PRKAR1B: variants seen among roughly 807,000 people sequenced by gnomAD.
PRKAR1B encodes cAMP-dependent protein kinase type I-beta regulatory subunit.
Under a neutral mutation model 46.5 loss-of-function variants are expected in PRKAR1B, and 22 were observed. The observed-to-expected ratio is 0.47, with a 90% confidence interval of 0.34 to 0.68. The LOEUF (loss-of-function observed/expected upper bound fraction) is 0.68. Ranked by LOEUF, PRKAR1B falls within the 30% of genes least tolerant of loss-of-function variation. The pLI, the probability that PRKAR1B is intolerant of heterozygous loss-of-function variation, is 0.01. For missense variants in PRKAR1B, 445 were observed against 535.6 expected (o/e 0.83, Z 1.67); for synonymous variants, 259 against 217.7 (o/e 1.19, Z -1.67).
At chr7:637,970 A>C (rs1784210311) in intron 4 of PRKAR1B, among the ~76,000 whole-genome samples, 2 of 152,232 alleles carry the variant, frequency 1.3e-5, no homozygotes, top group African/African-American at 4.8e-5. Context: ...CAGCCTCTGA[A>C]GTGCATGACA....
At chr7:722,028 A>G (rs185202711) in intron 1 of PRKAR1B, among the ~76,000 whole-genome samples, 10 of 149,428 alleles carry the variant, frequency 6.7e-5, no homozygotes, top group African/African-American at 2.2e-4. Flanking sequence ...GGCTTGTCCT[A>G]TGAAGCCTTG....
intron 6 of PRKAR1B, among the ~76,000 whole-genome samples, chr7:598,342 CGCTCTAA>C: frequency 6.8e-6 from 1 of 146,430 alleles, no homozygotes. Context: ...CAGCACCCTC[CGCTCTAA>C]ACACCATCGC....
At chr7:688,160 G>C (rs972495886) in intron 2 of PRKAR1B, among the ~76,000 whole-genome samples, 1 of 151,050 alleles carries the variant, frequency 6.6e-6, no homozygotes, top group Admixed American at 6.6e-5. Flanking sequence ...CAGCACTTTG[G>C]GAGGCCAAGG....
chr7:553,938 T>C (rs1443140338), intron 9 of PRKAR1B, among the ~76,000 whole-genome samples: 4 of 152,362 alleles, frequency 2.6e-5, no homozygotes, highest in African/African-American at 9.6e-5. Context: ...ACCGGGCGGC[T>C]GAGTGCCGCC....
intron 4 of PRKAR1B, among the ~76,000 whole-genome samples, chr7:673,077 A>AAAAAAAAAAAAAAC (rs1554301104): frequency 8.6e-6 from 1 of 116,322 alleles, no homozygotes; most frequent in East Asian, 2.3e-4. Flanking sequence ...AAAAAAAAAA[A>AAAAAAAAAAAAAAC]ACACACACAC....
chr7:641,486 AAAC>A (rs1456075227), intron 4 of PRKAR1B, among the ~76,000 whole-genome samples: 17 of 152,278 alleles, frequency 1.1e-4, no homozygotes, highest in Non-Finnish European at 1.9e-4. Context: ...TCCAAAGCGA[AAAC>A]AACCCAAATG....
intron 4 of PRKAR1B, among the ~76,000 whole-genome samples, chr7:641,672 TAAAA>T (rs1784395591): frequency 6.6e-6 from 1 of 152,180 alleles, no homozygotes; most frequent in Admixed American, 6.5e-5. Flanking sequence ...ATAAATGTGC[TAAAA>T]TATGGATGAA....
chr7:616,349 C>T (rs1180360622), intron 4 of PRKAR1B, among the ~76,000 whole-genome samples: 1 of 152,240 alleles, frequency 6.6e-6, no homozygotes, highest in African/African-American at 2.4e-5. Context: ...CCTCCACCTG[C>T]CCAGAGTCAC....
chr7:598,629 C>T (rs1316687779), intron 6 of PRKAR1B, among the ~76,000 whole-genome samples: 1 of 152,040 alleles, frequency 6.6e-6, no homozygotes, highest in African/African-American at 2.4e-5. Flanking sequence ...CTCCCTCCAG[C>T]ACCCTCCGCA....
rs912354476 is a variant in PRKAR1B, at chr7:667,058, AGTGATGATG to A, written c.440+10162_440+10170del. On this transcript the variant is annotated intron_variant, in intron 4 of 10. Coordinates refer to ENST00000537384, the MANE Select transcript of PRKAR1B (RefSeq NM_001164760.2). This position sits in a 1 kb window ranked among gnomAD's most constrained non-coding sequence, Gnocchi z 4.3. ...TGATGATAATGATGGTGATGATGACAGTGATGATGGTGATGGTGGGGATGGTGATGATGA... is the reference window on the plus strand; with the variant it reads ...TGATGATAATGATGGTGATGATGACAGTGATGGTGGGGATGGTGATGATGA... 6.6e-6 allele frequency among the ~76,000 whole-genome samples: 1 copy of A among 151,282 alleles called. No homozygotes were observed. Among genetic ancestry groups the A allele is most frequent in the African/African-American group, 2.4e-5 (1 of 41,086 alleles).
intron 2 of PRKAR1B, among the ~76,000 whole-genome samples, chr7:707,088 C>G (rs901695075): frequency 6.6e-6 from 1 of 152,230 alleles, no homozygotes; most frequent in African/African-American, 2.4e-5. Context: ...GGAAATGAGA[C>G]TCCATGGAAT....
intron 2 of PRKAR1B, among the ~76,000 whole-genome samples, chr7:684,332 T>C (rs966710198): frequency 6.6e-6 from 1 of 152,238 alleles, no homozygotes; most frequent in African/African-American, 2.4e-5. Flanking sequence ...AAATATATCT[T>C]GACGGAGCTT....
At chr7:604,206 G>T (rs1009541538) in intron 6 of PRKAR1B, among the ~76,000 whole-genome samples, 1 of 152,232 alleles carries the variant, frequency 6.6e-6, no homozygotes, top group African/African-American at 2.4e-5. Flanking sequence ...TGCCCGGCTG[G>T]GATGCTGGCC....
chr7:675,098 A>C (rs1583400651), intron 4 of PRKAR1B, among the ~76,000 whole-genome samples: 1 of 152,228 alleles, frequency 6.6e-6, no homozygotes, highest in Non-Finnish European at 1.5e-5. Context: ...CAGCATCACT[A>C]CTCACGGAAA....
chr7:602,851 C>A lies in PRKAR1B; in HGVS notation c.549+3342G>T, dbSNP rs1285667243. On this transcript the variant is annotated intron_variant, in intron 6 of 10. Transcript: ENST00000537384. This position sits in a 1 kb window ranked among gnomAD's most constrained non-coding sequence, Gnocchi z 6.4. ...TCTGAGTAATATGGAAATGGCACGG[C>A]TCAGCCACACAAGGGCCTGGGCAAA... Among the ~76,000 whole-genome samples the A allele has an allele frequency of 6.6e-6, 1 of 152,166 alleles. No individual in the cohort carries two copies. Among genetic ancestry groups the A allele is most frequent in the Non-Finnish European group, 1.5e-5 (1 of 68,036 alleles).
At chr7:725,211 C>T (rs1253455962) in intron 1 of PRKAR1B, among the ~76,000 whole-genome samples, 2 of 144,564 alleles carry the variant, frequency 1.4e-5, no homozygotes, top group South Asian at 2.2e-4. Flanking sequence ...AAGATTCCAT[C>T]TCAAAAAAAA....
intron 4 of PRKAR1B, among the ~76,000 whole-genome samples, chr7:614,938 A>T (rs62431458): frequency 0.55 from 83,465 of 151,386 alleles, 24,193 homozygotes; most frequent in South Asian, 0.81. Context: ...TCAGCTGGGC[A>T]TGGTAGCATG....
chr7:561,537 A>C (rs1778798741), intron 9 of PRKAR1B, among the ~76,000 whole-genome samples: 1 of 152,020 alleles, frequency 6.6e-6, no homozygotes, highest in South Asian at 2.1e-4. Context: ...GGTGTCTTGG[A>C]GGTGACCGAG....
chr7:583,789 T>C (rs972104501), intron 8 of PRKAR1B, among the ~76,000 whole-genome samples: 4 of 138,050 alleles, frequency 2.9e-5, no homozygotes, highest in Admixed American at 7.1e-5. Flanking sequence ...TGTACACCCA[T>C]GTGCACTCAC....
Sources: allele counts gnomAD v4.1 joint callset (sites outside exome capture counted in the v4.1 genomes callset), GRCh38; gene constraint gnomAD v4.1.1; non-coding constraint Gnocchi (gnomAD v3.1); transcripts MANE v1.5; gene names NCBI Gene and HGNC (gene_info 2026-07-23, HGNC 2026-07-21).